Variants in FOXN3 observed in about 807,000 individuals in gnomAD.
FOXN3 encodes the protein forkhead box protein N3.
FOXN3 carries 7 observed loss-of-function variants against 38.4 expected under a neutral mutation model. The ratio of observed to expected loss-of-function variants is 0.18; its 90% CI spans 0.10 to 0.34. FOXN3 has a LOEUF of 0.34. Ranked by LOEUF, FOXN3 falls within the 10% of genes least tolerant of loss-of-function variation. FOXN3 has a pLI of 1.00. For missense variants in FOXN3, 456 were observed against 613.4 expected (o/e 0.74, Z 2.71); for synonymous variants, 230 against 242.2 (o/e 0.95, Z 0.47).
chr14:89,222,790 C>T (rs982933614), intron 4 of FOXN3, among the ~76,000 whole-genome samples: 3 of 152,090 alleles, frequency 2.0e-5, no homozygotes, highest in African/African-American at 4.8e-5. Flanking sequence ...TCTCCTACCT[C>T]CCTCTACCCT....
intron 2 of FOXN3, among the ~76,000 whole-genome samples, chr14:89,391,713 C>T (rs938254517): frequency 6.6e-6 from 1 of 152,108 alleles, no homozygotes; most frequent in Non-Finnish European, 1.5e-5. Context: ...GCTAATAAAA[C>T]TGGAACCCTG....
intron 4 of FOXN3, among the ~76,000 whole-genome samples, chr14:89,194,675 TC>T (rs938692172): frequency 6.6e-6 from 1 of 151,364 alleles, no homozygotes; most frequent in Non-Finnish European, 1.5e-5. Context: ...CTTAAGTTTT[TC>T]CCTTTTTATT....
intron 1 of FOXN3, among the ~76,000 whole-genome samples, chr14:89,489,823 C>G (rs1893534570): frequency 6.6e-6 from 1 of 152,186 alleles, no homozygotes; most frequent in Non-Finnish European, 1.5e-5. Context: ...TCTTAAAAAG[C>G]CTGTCAGCCT....
At chr14:89,503,149 C>T (rs1174220975) in intron 1 of FOXN3, among the ~76,000 whole-genome samples, 4 of 152,166 alleles carry the variant, frequency 2.6e-5, no homozygotes, top group Admixed American at 2.6e-4. Context: ...TCCCTCCACC[C>T]AAAGCTCCCG....
intron 2 of FOXN3, chr14:89,356,313 C>G (rs1172430783): frequency 6.6e-6 from 1 of 152,102 alleles, no homozygotes; most frequent in Admixed American, 6.5e-5. Flanking sequence ...GGGAGAATCA[C>G]TTGAACCCTG....
intron 1 of FOXN3, among the ~76,000 whole-genome samples, chr14:89,584,078 T>C (rs972288481): frequency 1.4e-5 from 2 of 147,124 alleles, no homozygotes; most frequent in African/African-American, 4.9e-5. Flanking sequence ...CAGGCTGGTC[T>C]TGAACTCTTT....
intron 1 of FOXN3, among the ~76,000 whole-genome samples, chr14:89,452,031 C>T (rs772751652): frequency 3.8e-4 from 58 of 152,072 alleles, no homozygotes; most frequent in Non-Finnish European, 7.8e-4. Context: ...AAAGTCCCTA[C>T]CTGAAGTTCG....
intron 1 of FOXN3, among the ~76,000 whole-genome samples, chr14:89,473,560 G>C (rs931803760): frequency 1.3e-5 from 2 of 151,820 alleles, no homozygotes; most frequent in African/African-American, 4.8e-5. Flanking sequence ...GTAGAGATAG[G>C]GTCTTCCTTG....
At chr14:89,248,008 T>C (rs1029323440) in intron 4 of FOXN3, among the ~76,000 whole-genome samples, 3 of 152,214 alleles carry the variant, frequency 2.0e-5, no homozygotes, top group Non-Finnish European at 4.4e-5. Flanking sequence ...CACCTTCTCA[T>C]CATTTTGGAA....
intron 3 of FOXN3, among the ~76,000 whole-genome samples, chr14:89,325,248 G>T (rs61983119): frequency 2.4e-3 from 48 of 19,906 alleles, no homozygotes; most frequent in East Asian, 7.8e-3. Flanking sequence ...CCACCACCAC[G>T]ACCACCACCA....
intron 1 of FOXN3, among the ~76,000 whole-genome samples, chr14:89,590,995 A>T (rs1895938031): frequency 6.6e-6 from 1 of 152,214 alleles, no homozygotes; most frequent in African/African-American, 2.4e-5. Flanking sequence ...ATTATGCATC[A>T]AACCTAAGCA....
At chr14:89,378,688 A>G (rs1316223018) in intron 2 of FOXN3, among the ~76,000 whole-genome samples, 7 of 149,688 alleles carry the variant, frequency 4.7e-5, no homozygotes, top group Non-Finnish European at 1.0e-4. Context: ...ATGAGGTCAC[A>G]TTGAATCTCT....
chr14:89,220,776 A>C (rs1356779286), intron 4 of FOXN3, among the ~76,000 whole-genome samples: 2 of 152,146 alleles, frequency 1.3e-5, no homozygotes, highest in Non-Finnish European at 2.9e-5. Context: ...CCAAGTGTTA[A>C]TACATGCTTT....
In FOXN3 at chr14:89,193,773, G is replaced by C. The variant is rs1004113848; in HGVS notation, c.746-12967C>G. ...TGGTAAATGTATATTTAGCTTTATAGAGAATTGCTACATTGTTTTCCAAAG... is the reference window on the plus strand; with the variant it reads ...TGGTAAATGTATATTTAGCTTTATACAGAATTGCTACATTGTTTTCCAAAG... On this transcript the variant is annotated intron_variant, in intron 4 of 5. Transcript: ENST00000557258. Among the ~76,000 whole-genome samples the C allele has an allele frequency of 3.3e-5, 5 of 152,142 alleles. No individual in the cohort carries two copies. In the East Asian group the frequency reaches 7.7e-4, roughly 23 times the overall value.
chr14:89,566,755 CCCTCCTCCTCCT>C (rs71107531), intron 1 of FOXN3, among the ~76,000 whole-genome samples: 5 of 148,932 alleles, frequency 3.4e-5, no homozygotes, highest in African/African-American at 1.3e-4. Flanking sequence ...CTTTACCATT[CCCTCCTCCTCCT>C]CCTCCTCCTC....
At chr14:89,188,892 A>G (rs1200041769) in intron 4 of FOXN3, among the ~76,000 whole-genome samples, 1 of 152,206 alleles carries the variant, frequency 6.6e-6, no homozygotes, top group Non-Finnish European at 1.5e-5. Flanking sequence ...AATATGAAAC[A>G]TCATTTAAAA....
intron 1 of FOXN3, among the ~76,000 whole-genome samples, chr14:89,574,948 A>T (rs1480061182): frequency 6.6e-6 from 1 of 152,100 alleles, no homozygotes; most frequent in Non-Finnish European, 1.5e-5. Flanking sequence ...GTGTACTGGA[A>T]CTCTAAAACA....
intron 1 of FOXN3, among the ~76,000 whole-genome samples, chr14:89,557,832 C>T (rs886896873): frequency 3.3e-5 from 5 of 152,190 alleles, no homozygotes; most frequent in African/African-American, 1.2e-4. Context: ...ATGGCAAAAC[C>T]CCATCTCTAG....
At chr14:89,166,931 T>C (rs116356668) in intron 5 of FOXN3, among the ~76,000 whole-genome samples, 219 of 152,346 alleles carry the variant, frequency 1.4e-3, no homozygotes, top group African/African-American at 5.0e-3. Flanking sequence ...AAACCAGCCA[T>C]TCTGAACATG....
Sources: gnomAD v4.1 joint callset for allele counts (sites outside exome capture counted in the v4.1 genomes callset) on GRCh38, gnomAD v4.1.1 for gene constraint, MANE v1.5 for transcripts, NCBI Gene and HGNC (gene_info 2026-07-23, HGNC 2026-07-21) for gene names.